SOX5: variants seen among roughly 807,000 people sequenced by gnomAD.
The protein encoded by SOX5 is transcription factor SOX-5.
In SOX5, 9 loss-of-function variants were observed where a neutral mutation model predicts 92.0. The observed-to-expected ratio is 0.10, with a 90% CI of 0.06 to 0.17. The LOEUF (loss-of-function observed/expected upper bound fraction) is 0.17, where lower values mean the gene tolerates loss of function less well. Among genes scored for constraint, SOX5 ranks in the 10% least tolerant of loss-of-function variants. The pLI is 1.00. For missense variants in SOX5, 642 were observed against 944.5 expected (o/e 0.68, Z 4.20); for synonymous variants, 344 against 336.3 (o/e 1.02, Z -0.25).
intron 4 of SOX5, among the ~76,000 whole-genome samples, chr12:24,065,990 T>C (rs1014237359): frequency 6.6e-6 from 1 of 152,212 alleles, no homozygotes; most frequent in African/African-American, 2.4e-5. Context: ...GTTCATCTAT[T>C]GTACTCTTTT....
intron 3 of SOX5, among the ~76,000 whole-genome samples, chr12:23,765,957 A>G (rs1182177203): frequency 3.3e-5 from 5 of 152,156 alleles, no homozygotes; most frequent in Non-Finnish European, 7.4e-5. Flanking sequence ...AGATACACCA[A>G]TTGTGACCAT....
rs1023186381 is a variant in SOX5 at position 23,871,454 on chromosome 12, G to T, written c.270+24339C>A. 3.9e-5 allele frequency among the ~76,000 whole-genome samples: 6 copies of T among 152,084 alleles called. No individual in the cohort carries two copies. In the South Asian group the frequency reaches 6.2e-4, roughly 16 times the overall value. ...GAAATGCCAATTTCAGACCCAAAAT[G>T]ATTAAACATGAAGTGTAAAATAGTG... is the stretch of plus-strand genomic sequence containing the variant. On this transcript the variant is annotated intron_variant, in intron 2 of 14. Transcript: ENST00000451604.
chr12:24,559,944 C>T, intron 1 of SOX5, among the ~76,000 whole-genome samples: 1 of 152,192 alleles, frequency 6.6e-6, no homozygotes, highest in Non-Finnish European at 1.5e-5. Flanking sequence ...CTATATACAA[C>T]ATGCCATTCA....
At chr12:23,675,679 CA>C (rs2085553897) in intron 6 of SOX5, among the ~76,000 whole-genome samples, 5 of 151,900 alleles carry the variant, frequency 3.3e-5, no homozygotes, top group Admixed American at 3.3e-4. Flanking sequence ...GCAGCAAAAG[CA>C]AAAATAAACA....
rs1261519869 is a variant in SOX5 at position 23,529,659 on chromosome 12, T to TTTTA, written c.*4556_*4559dup. ...TTTTTTAAGAGCACATAAACTCCTG[T>TTTTA]TTTATTTTTATTGTGGCATGAATGA... is the stretch of plus-strand genomic sequence containing the variant. On this transcript the variant is annotated 3_prime_UTR_variant, in exon 15 of 15. Transcript: ENST00000451604. 5.9e-5 allele frequency: 9 copies of TTTTA among 152,138 alleles called. No homozygotes were observed. The highest frequency in any genetic ancestry group is 1.3e-4 in the Non-Finnish European group (9 of 68,012). 9.4% of individuals were successfully genotyped at this position (152,138 alleles called of 1,614,324 possible). A position where few individuals can be genotyped will look rare whatever the true frequency, so the allele number is the denominator to read the frequency against.
At chr12:24,335,218 G>A (rs1276574982) in intron 2 of SOX5, among the ~76,000 whole-genome samples, 1 of 152,048 alleles carries the variant, frequency 6.6e-6, no homozygotes, top group Non-Finnish European at 1.5e-5. Context: ...AAACCTGAAT[G>A]TTCACAACAT....
chr12:24,442,794 G>A lies in SOX5; in HGVS notation c.-250-74155C>T, dbSNP rs1037954279. ...AATGAGTTAAAGAAGTAACCAGAGA[G>A]CAGGATCACTCTGGGCATCATAATG... On this transcript the variant is annotated intron_variant, in intron 1 of 4. Coordinates refer to the SOX5 transcript ENST00000446891. Among the ~76,000 whole-genome samples the A allele has an allele frequency of 2.4e-4, 36 of 152,250 alleles. 1 individual carries two copies. The highest frequency in any genetic ancestry group is 2.1e-3 in the Admixed American group (32 of 15,292).
At chr12:23,574,184 T>C (rs1205636825) in intron 10 of SOX5, among the ~76,000 whole-genome samples, 1 of 152,046 alleles carries the variant, frequency 6.6e-6, no homozygotes, top group Non-Finnish European at 1.5e-5. Flanking sequence ...ACTCCACTTC[T>C]TTTCTTACCA....
At chr12:23,727,870 T>C (rs530233197) in intron 6 of SOX5, among the ~76,000 whole-genome samples, 1 of 152,318 alleles carries the variant, frequency 6.6e-6, no homozygotes, top group Non-Finnish European at 1.5e-5. Context: ...TTTTTGGTAC[T>C]TTCTTAGCCA....
chr12:24,340,409 G>A (rs773679304), intron 2 of SOX5, among the ~76,000 whole-genome samples: 4 of 152,216 alleles, frequency 2.6e-5, no homozygotes, highest in South Asian at 2.1e-4. Flanking sequence ...ACTAAAATTC[G>A]AGACAGAGAC....
chr12:23,742,505 T>C (rs76064252), intron 4 of SOX5, among the ~76,000 whole-genome samples: 15,671 of 152,146 alleles, frequency 0.1, 934 homozygotes, highest in South Asian at 0.13. Flanking sequence ...TATCCTAATA[T>C]TAAATAATAT....
intron 2 of SOX5, among the ~76,000 whole-genome samples, chr12:24,283,586 C>T (rs1355660705): frequency 1.3e-5 from 2 of 152,122 alleles, no homozygotes; most frequent in East Asian, 1.9e-4. Context: ...TATTAAACTC[C>T]GTCTTTTTAA....
intron 2 of SOX5, among the ~76,000 whole-genome samples, chr12:24,286,530 G>A (rs1389220797): frequency 2.6e-5 from 4 of 151,652 alleles, no homozygotes; most frequent in Non-Finnish European, 4.4e-5. Flanking sequence ...AAGAACAAGA[G>A]TTTTTTAAAT....
chr12:23,925,165 C>T (rs1330029979), intron 1 of SOX5, among the ~76,000 whole-genome samples: 1 of 152,116 alleles, frequency 6.6e-6, no homozygotes, highest in African/African-American at 2.4e-5. Context: ...CAATTATGAC[C>T]TCATAAATCA....
intron 3 of SOX5, among the ~76,000 whole-genome samples, chr12:24,229,534 T>TA (rs1330796334): frequency 8.5e-5 from 13 of 152,306 alleles, no homozygotes; most frequent in Admixed American, 8.5e-4. Flanking sequence ...TAACTTTGGG[T>TA]AAATGTGCTT....
intron 4 of SOX5, among the ~76,000 whole-genome samples, chr12:23,974,749 A>T (rs1046191363): frequency 6.6e-6 from 1 of 152,198 alleles, no homozygotes; most frequent in East Asian, 1.9e-4. Context: ...AATGATGCAG[A>T]AAAAGGGAAA....
rs114017285 is a variant in SOX5 at position 24,297,363 on chromosome 12, C to A, written c.-173-20051G>T. Among the ~76,000 whole-genome samples the A allele has an allele frequency of 5.0e-3, 766 of 152,244 alleles. 8 individuals carry two copies. The highest frequency in any genetic ancestry group is 0.017 in the African/African-American group (726 of 41,554). ...TTCCCATTCTCAGATTTTTTTCTTT[C>A]TTTCCAATAAAACAAACTGTTCTCT... is the stretch of plus-strand genomic sequence containing the variant. On this transcript the variant is annotated intron_variant, in intron 2 of 4. Transcript: ENST00000446891.
intron 6 of SOX5, among the ~76,000 whole-genome samples, chr12:23,692,788 C>G (rs982550008): frequency 1.3e-5 from 2 of 152,140 alleles, no homozygotes; most frequent in African/African-American, 4.8e-5. Context: ...CAATTTCTCG[C>G]TGTGGTTATG....
rs143501311 is a variant in SOX5 at position 23,787,161 on chromosome 12, A to G, written c.482-31437T>C. On this transcript the variant is annotated intron_variant, in intron 3 of 14. Coordinates refer to ENST00000451604, the MANE Select transcript of SOX5 (RefSeq NM_006940.6). ...TCTATACATCTTCAAATTGTAATTT[A>G]GAAGCATTAGATACTCATTAAAACT... 3.7e-3 allele frequency among the ~76,000 whole-genome samples: 565 copies of G among 152,080 alleles called. 53 individuals are homozygous for G. Among genetic ancestry groups the G allele is most frequent in the African/African-American group, 0.013 (533 of 41,498 alleles).
Sources: allele counts gnomAD v4.1 joint callset (sites outside exome capture counted in the v4.1 genomes callset), GRCh38; gene constraint gnomAD v4.1.1; transcripts MANE v1.5; gene names NCBI Gene and HGNC (gene_info 2026-07-23, HGNC 2026-07-21).